Variants in TESK2 observed in about 807,000 individuals in gnomAD.
TESK2 encodes testis associated actin remodelling kinase 2, also known as dual specificity testis-specific protein kinase 2.
Under a neutral mutation model 57.1 loss-of-function variants are expected in TESK2, and 39 were observed. That is an observed-to-expected ratio of 0.68 (90% CI 0.53 to 0.89). The LOEUF (loss-of-function observed/expected upper bound fraction) is 0.89. TESK2 is among the 40% of genes least tolerant of loss of function. The pLI, the probability that TESK2 is intolerant of heterozygous loss-of-function variation, is 0.00. For missense variants in TESK2, 646 were observed against 732.1 expected, an observed-to-expected ratio of 0.88 and a Z score of 1.36; for synonymous variants, 249 against 267.9, an observed-to-expected ratio of 0.93 and a Z score of 0.69.
At chr1:45,379,208 C>G (rs1161483884) in intron 4 of TESK2, among the ~76,000 whole-genome samples, 2 of 152,158 alleles carry the variant, frequency 1.3e-5, no homozygotes. Context: ...CTTTGTTGTG[C>G]AGGCTGGGGT....
At chr1:45,380,251 G>A (rs890779198) in intron 4 of TESK2, among the ~76,000 whole-genome samples, 1 of 152,096 alleles carries the variant, frequency 6.6e-6, no homozygotes, top group African/African-American at 2.4e-5. Context: ...AAAACATCCT[G>A]CTCACCAAGC....
intron 1 of TESK2, among the ~76,000 whole-genome samples, chr1:45,486,264 C>T (rs1653471785): frequency 6.6e-6 from 1 of 152,100 alleles, no homozygotes; most frequent in Non-Finnish European, 1.5e-5. Flanking sequence ...ATGAAATTCC[C>T]ATAAATGCCT....
At chr1:45,478,077 C>A in intron 1 of TESK2, among the ~76,000 whole-genome samples, 1 of 152,232 alleles carries the variant, frequency 6.6e-6, no homozygotes. Context: ...CATTTGACCC[C>A]TACCCACATC....
intron 7 of TESK2, 33 bp from the exon 8 acceptor site, chr1:45,347,095 A>G (rs1446611285): frequency 6.2e-7 from 1 of 1,601,716 alleles, no homozygotes; most frequent in South Asian, 1.1e-5. Flanking sequence ...TTTCCCTCTT[A>G]ATGGGTTGAG....
At chr1:45,347,562 A>G in intron 7 of TESK2, 47 bp downstream of exon 7, 1 of 1,564,744 alleles carries the variant, frequency 6.4e-7, no homozygotes, top group Non-Finnish European at 8.8e-7. Context: ...CTCAAAAAAA[A>G]GAAAAAGAAA....
At chr1:45,431,274 C>A (rs1650941465) in intron 2 of TESK2, among the ~76,000 whole-genome samples, 1 of 152,040 alleles carries the variant, frequency 6.6e-6, no homozygotes, top group South Asian at 2.1e-4. Flanking sequence ...AAAAATTGGC[C>A]GGGCATGTTG....
At chr1:45,405,225 T>A (rs543319714) in intron 3 of TESK2, among the ~76,000 whole-genome samples, 1 of 152,192 alleles carries the variant, frequency 6.6e-6, no homozygotes, top group East Asian at 1.9e-4. Context: ...TCCTTTGAAT[T>A]CCAAACTTGT....
At chr1:45,351,676 G>T (rs938505654) in intron 5 of TESK2, among the ~76,000 whole-genome samples, 2 of 152,210 alleles carry the variant, frequency 1.3e-5, no homozygotes, top group Admixed American at 6.5e-5. Flanking sequence ...GACAGCATCT[G>T]TTTTACAGAC....
chr1:45,416,417 G>GT (rs1183646200), intron 3 of TESK2, among the ~76,000 whole-genome samples: 1 of 152,004 alleles, frequency 6.6e-6, no homozygotes, highest in African/African-American at 2.4e-5. Context: ...GGGATTACAG[G>GT]TGTGGGCACA....
chr1:45,432,234 GCTA>G (rs1312058760), intron 2 of TESK2, among the ~76,000 whole-genome samples: 2 of 151,980 alleles, frequency 1.3e-5, no homozygotes, highest in African/African-American at 4.8e-5. Flanking sequence ...AGTGGTCCCA[GCTA>G]CTTAGGAAGT....
At chr1:45,404,184 T>G (rs1025856479) in intron 3 of TESK2, among the ~76,000 whole-genome samples, 1 of 152,218 alleles carries the variant, frequency 6.6e-6, no homozygotes, top group African/African-American at 2.4e-5. Context: ...AATGATTTAT[T>G]TCTTCTCCCT....
In TESK2 at chr1:45,455,534, A is replaced by G. The variant is rs58790397; in HGVS notation, c.222+2030T>C. 1.1e-3 allele frequency among the ~76,000 whole-genome samples: 173 copies of G among 152,310 alleles called. 3 individuals are homozygous for G. In the East Asian group the frequency reaches 0.029, roughly 26 times the overall value. ...TAGACCTTTCTCTGCTGCAACCTGG[A>G]GTCTCAGCTTATTGACTTGCTGTGT... is the stretch of plus-strand genomic sequence containing the variant. On this transcript the variant is annotated intron_variant, in intron 2 of 10. Transcript: ENST00000372086.
At position 45,451,071 on chromosome 1, in the gene TESK2, C is replaced by T. The variant is rs117926746; in HGVS notation, c.222+6493G>A. Among the ~76,000 whole-genome samples the T allele has an allele frequency of 4.7e-3, 717 of 152,268 alleles. 11 individuals carry two copies. The East Asian group carries it at 0.052, about 11-fold the overall frequency. ...TACTATCAGGCAGGCGTCAGATGTC[C>T]CCAGCACACTGGAGTCTGGGATTTG... On this transcript the variant is annotated intron_variant, in intron 2 of 10. Transcript: ENST00000372086.
chr1:45,360,797 T>C (rs1042501195), intron 4 of TESK2, among the ~76,000 whole-genome samples: 7 of 152,130 alleles, frequency 4.6e-5, no homozygotes, highest in African/African-American at 1.7e-4. Flanking sequence ...AAAAGGAAAT[T>C]TGAGATTTGT....
At chr1:45,445,748 T>C (rs1364050853) in intron 2 of TESK2, among the ~76,000 whole-genome samples, 1 of 151,648 alleles carries the variant, frequency 6.6e-6, no homozygotes, top group African/African-American at 2.4e-5. Context: ...TAAGCCATGA[T>C]CACATCACCA....
At chr1:45,393,791 A>G (rs1325342891) in intron 3 of TESK2, among the ~76,000 whole-genome samples, 1 of 152,144 alleles carries the variant, frequency 6.6e-6, no homozygotes, top group African/African-American at 2.4e-5. Context: ...AAATGTTGTA[A>G]AAAAACAATA....
chr1:45,375,269 T>C (rs1240425223), intron 4 of TESK2, among the ~76,000 whole-genome samples: 3 of 152,108 alleles, frequency 2.0e-5, no homozygotes, highest in Non-Finnish European at 4.4e-5. Flanking sequence ...TCTGACCCCA[T>C]CTACTACTGT....
At chr1:45,442,975 G>A (rs911980879) in intron 2 of TESK2, among the ~76,000 whole-genome samples, 3 of 152,200 alleles carry the variant, frequency 2.0e-5, no homozygotes, top group South Asian at 4.2e-4. Flanking sequence ...TAGTAATGAC[G>A]GGGTTTCAGT....
chr1:45,376,822 AC>A (rs1648450120), intron 4 of TESK2, among the ~76,000 whole-genome samples: 1 of 152,194 alleles, frequency 6.6e-6, no homozygotes, highest in Admixed American at 6.5e-5. Flanking sequence ...GTATTATCAA[AC>A]GAGATTAGAG....
Sources: allele counts gnomAD v4.1 joint callset (sites outside exome capture counted in the v4.1 genomes callset), GRCh38; gene constraint gnomAD v4.1.1; transcripts MANE v1.5; gene names NCBI Gene and HGNC (gene_info 2026-07-23, HGNC 2026-07-21).